Variants in BPNT1 observed in about 807,000 individuals in gnomAD.
The protein encoded by BPNT1 is 3'(2'),5'-bisphosphate nucleotidase 1.
Under a neutral mutation model 36.9 loss-of-function variants are expected in BPNT1, and 28 were observed. The ratio of observed to expected loss-of-function variants is 0.76; its 90% CI spans 0.56 to 1.04. The LOEUF (loss-of-function observed/expected upper bound fraction) is 1.04, where lower values mean the gene tolerates loss of function less well. Ranked by LOEUF, BPNT1 falls within the 50% of genes least tolerant of loss-of-function variation. The pLI is 0.00. For missense variants in BPNT1, 313 were observed against 372.9 expected (o/e 0.84, Z 1.32); for synonymous variants, 119 against 130.9 (o/e 0.91, Z 0.62).
intron 2 of BPNT1, among the ~76,000 whole-genome samples, chr1:220,077,004 G>GT (rs1203533520): frequency 6.6e-6 from 1 of 152,066 alleles, no homozygotes; most frequent in African/African-American, 2.4e-5. Context: ...TGATAAGCAT[G>GT]TTTTCTATAT....
intron 7 of BPNT1, among the ~76,000 whole-genome samples, chr1:220,061,572 A>G (rs1280040444): frequency 6.6e-6 from 1 of 151,850 alleles, no homozygotes; most frequent in East Asian, 1.9e-4. Context: ...CAGAAGATAC[A>G]TAAGTAGGAC....
chr1:220,084,402 T>C (rs767665031), intron 1 of BPNT1, among the ~76,000 whole-genome samples: 1 of 152,140 alleles, frequency 6.6e-6, no homozygotes, highest in Admixed American at 6.6e-5. Context: ...TGGTCTTATT[T>C]CTATTCCTTT....
chr1:220,084,210 T>C (rs1437680962), intron 1 of BPNT1, among the ~76,000 whole-genome samples: 1 of 151,862 alleles, frequency 6.6e-6, no homozygotes, highest in Non-Finnish European at 1.5e-5. Context: ...TGGGCACCTG[T>C]AGTCCCAGCT....
At chr1:220,065,804 A>C (rs1663482190) in intron 6 of BPNT1, among the ~76,000 whole-genome samples, 2 of 152,212 alleles carry the variant, frequency 1.3e-5, no homozygotes, top group South Asian at 4.1e-4. Flanking sequence ...TTTAAAATTG[A>C]ATCTTTAGCC....
rs757033206 is a variant in BPNT1, at chr1:220,058,890, T to C, written c.881A>G (p.Tyr294Cys). 1.2e-6 allele frequency: 2 copies of C among 1,614,150 alleles called. No individual in the cohort carries two copies. Among genetic ancestry groups the C allele is most frequent in the Non-Finnish European group, 1.7e-6 (2 of 1,179,986 alleles). The change falls in exon 9 of 9, where the codon TAT becomes TGT. Residue 294 changes from tyrosine to cysteine, a missense_variant. Tyr to Cys is a radical substitution (Grantham distance 194). Transcript: ENST00000322067. ...AATAGATTCTGGAACTCGGCTTGCATAGTAGTCATAATTCCTCAGTGTGGC... is the reference window on the plus strand; with the variant it reads ...AATAGATTCTGGAACTCGGCTTGCACAGTAGTCATAATTCCTCAGTGTGGC... ...VLATLRNYDY[Y>C]ASRVPESIKN...
At chr1:220,088,518 T>C (rs1460406000) in intron 1 of BPNT1, among the ~76,000 whole-genome samples, 1 of 144,810 alleles carries the variant, frequency 6.9e-6, no homozygotes, top group Non-Finnish European at 1.5e-5. Context: ...CTGAATGCAG[T>C]GGCTCACACC....
Position 220,079,767 on chromosome 1 carries a change from C to A in BPNT1, c.80G>T (p.Arg27Ile), listed in dbSNP as rs1253753447. ...SIAQKAGMIV[R>I]RVIAEGDLGI... ...CAGGTCTCCTTCAGCAATAACACGT[C>A]TGACTATCATTCCTGCCTTTTGAGC... The change falls in exon 2 of 9, where the codon AGA becomes ATA. Residue 27 changes from arginine to isoleucine, a missense_variant. Physicochemically the swap from Arg to Ile is moderately conservative, Grantham distance 97. Coordinates refer to ENST00000322067, the MANE Select transcript of BPNT1 (RefSeq NM_006085.6). 6.2e-7 allele frequency: 1 copy of A among 1,614,152 alleles called. No homozygotes were observed. The highest frequency in any genetic ancestry group is 1.1e-5 in the South Asian group (1 of 91,082).
intron 1 of BPNT1, among the ~76,000 whole-genome samples, chr1:220,080,642 C>A (rs555070812): frequency 6.6e-6 from 1 of 152,180 alleles, no homozygotes; most frequent in Non-Finnish European, 1.5e-5. Flanking sequence ...TACTCACTAT[C>A]ACTGCCCCCA....
At chr1:220,066,272 A>G (rs1179447066) in intron 6 of BPNT1, among the ~76,000 whole-genome samples, 3 of 152,220 alleles carry the variant, frequency 2.0e-5, no homozygotes, top group Non-Finnish European at 2.9e-5. Context: ...GTATTAACTT[A>G]AAGTTTACAT....
chr1:220,086,919 C>T (rs1004211020), intron 1 of BPNT1, among the ~76,000 whole-genome samples: 1 of 148,698 alleles, frequency 6.7e-6, no homozygotes, highest in African/African-American at 2.5e-5. Flanking sequence ...TATTGGCGGG[C>T]GCCTGTAACC....
intron 6 of BPNT1, chr1:220,066,119 T>G: frequency 6.6e-7 from 1 of 1,506,000 alleles, no homozygotes; most frequent in African/African-American, 1.4e-5. Flanking sequence ...TTCATTGTTC[T>G]GTGGAAAATG....
At chr1:220,064,220 T>C (rs1330776367) in intron 6 of BPNT1, among the ~76,000 whole-genome samples, 1 of 152,236 alleles carries the variant, frequency 6.6e-6, no homozygotes, top group Non-Finnish European at 1.5e-5. Flanking sequence ...TCTTCAAAGA[T>C]GATATTCTTA....
intron 1 of BPNT1, among the ~76,000 whole-genome samples, chr1:220,084,035 G>C (rs1258899090): frequency 6.6e-6 from 1 of 152,052 alleles, no homozygotes; most frequent in Non-Finnish European, 1.5e-5. Context: ...ACTTCAGATA[G>C]AAAACAGAGA....
intron 1 of BPNT1, among the ~76,000 whole-genome samples, chr1:220,086,929 C>T (rs1655785981): frequency 6.7e-6 from 1 of 149,742 alleles, no homozygotes; most frequent in Non-Finnish European, 1.5e-5. Context: ...CGCCTGTAAC[C>T]CCAACTTCTT....
At chr1:220,071,060 C>T (rs1664019318) in intron 4 of BPNT1, among the ~76,000 whole-genome samples, 1 of 150,912 alleles carries the variant, frequency 6.6e-6, no homozygotes, top group Admixed American at 6.6e-5. Context: ...TTGCTTGAAC[C>T]TGGGAGGCGG....
At chr1:220,082,085 T>TATATAGAGAGAGAGAGAG in intron 1 of BPNT1, among the ~76,000 whole-genome samples, 1 of 103,280 alleles carries the variant, frequency 9.7e-6, no homozygotes, top group African/African-American at 3.8e-5. Context: ...TATATATATA[T>TATATAGAGAGAGAGAGAG]AGAGAGAGAG....
chr1:220,058,645 C>T lies in BPNT1; in HGVS notation c.*199G>A. 1.3e-6 allele frequency: 1 copy of T among 773,724 alleles called. No homozygotes were observed. The highest frequency in any genetic ancestry group is 1.8e-6 in the Non-Finnish European group (1 of 541,646). 47.9% of individuals were successfully genotyped at this position (773,724 alleles called of 1,614,324 possible). Reference sequence around the variant, plus strand: ...CTTCCGGGCTCAAGAGATTCTTCTGCTTCAGCCTCTCAAGTAGCTGGGATG... The same window carrying T: ...CTTCCGGGCTCAAGAGATTCTTCTGTTTCAGCCTCTCAAGTAGCTGGGATG... On this transcript the variant is annotated 3_prime_UTR_variant, in exon 9 of 9. Transcript: ENST00000322067.
In BPNT1 at chr1:220,067,305, A is replaced by G. The variant is rs753007929; in HGVS notation, c.471T>C (p.Tyr157=). 5.7e-6 allele frequency: 9 copies of G among 1,580,036 alleles called. No homozygotes were observed. The highest frequency in any genetic ancestry group is 7.8e-6 in the Non-Finnish European group (9 of 1,151,480). Residue 157 remains tyrosine, a synonymous_variant, in exon 6 of 9, where the codon TAT becomes TAC. Transcript: ENST00000322067. ...AGVINQPYYN[Y]EAGPDAVLGR... ...TTTGTATCATTTATAGTAATACCTC[A>G]TAGTTGTAATATGGCTGGTTAATAA... is the stretch of plus-strand genomic sequence containing the variant.
rs376028003 is a variant in BPNT1, at chr1:220,058,820, C to T, written c.*24G>A. On this transcript the variant is annotated 3_prime_UTR_variant, in exon 9 of 9. Coordinates refer to ENST00000322067, the MANE Select transcript of BPNT1 (RefSeq NM_006085.6). ...CTGGGATTACAGGCATGAGCCACCG[C>T]GCCCGGCCAAATGAAACTTTCCTTT... 1.4e-4 allele frequency: 223 copies of T among 1,611,290 alleles called. No individual in the cohort carries two copies. Among genetic ancestry groups the T allele is most frequent in the Non-Finnish European group, 1.7e-4 (201 of 1,178,144 alleles).
Sources: allele counts gnomAD v4.1 joint callset (sites outside exome capture counted in the v4.1 genomes callset), GRCh38; gene constraint gnomAD v4.1.1; transcripts MANE v1.5; gene names NCBI Gene and HGNC (gene_info 2026-07-23, HGNC 2026-07-21).